The following AGMO variants were observed in gnomAD, a reference collection of about 807,000 sequenced individuals.
The protein encoded by AGMO is glyceryl-ether monooxygenase.
In AGMO, 75 loss-of-function variants were observed where a neutral mutation model predicts 60.2. The observed-to-expected ratio is 1.25, with a 90% CI of 1.03 to 1.51. The LOEUF (loss-of-function observed/expected upper bound fraction) is 1.51, where lower values mean the gene tolerates loss of function less well. Among genes scored for constraint, AGMO ranks in the 40% most tolerant of loss-of-function variants. AGMO has a pLI of 0.00. For synonymous variants in AGMO, 261 were observed against 177.1 expected, an observed-to-expected ratio of 1.47 and a Z score of -3.76; for missense variants, 763 against 525.5, an observed-to-expected ratio of 1.45 and a Z score of -4.42.
At chr7:15,184,460 TAAG>T in the AGMO span, among the ~76,000 whole-genome samples, 11 of 30,350 alleles carry the variant, frequency 3.6e-4, no homozygotes, top group South Asian at 0.013. Flanking sequence ...GGAAGGGAGG[TAAG>T]AAGGAAGGAA....
intron 3 of AGMO, among the ~76,000 whole-genome samples, chr7:15,490,800 T>C (rs1783048683): frequency 6.6e-6 from 1 of 151,996 alleles, no homozygotes; most frequent in Admixed American, 6.5e-5. Flanking sequence ...GAGGAGCAAA[T>C]AGAATACCTG....
chr7:15,133,319 T>C, the AGMO span, among the ~76,000 whole-genome samples: 1 of 152,096 alleles, frequency 6.6e-6, no homozygotes, highest in Admixed American at 6.5e-5. Context: ...GCTACTCAGG[T>C]AAAGACAAAA....
intron 12 of AGMO, among the ~76,000 whole-genome samples, chr7:15,267,161 T>C (rs906580705): frequency 6.6e-6 from 1 of 151,974 alleles, no homozygotes; most frequent in African/African-American, 2.4e-5. Flanking sequence ...TTAAAAACAT[T>C]TGCAAAAAAT....
chr7:15,370,479 C>A (rs1440388824), intron 10 of AGMO, among the ~76,000 whole-genome samples: 1 of 152,320 alleles, frequency 6.6e-6, no homozygotes, highest in East Asian at 1.9e-4. Context: ...CTGCTTTCCA[C>A]AGTGGCTGAA....
the AGMO span, among the ~76,000 whole-genome samples, chr7:15,126,049 T>A: frequency 1.3e-5 from 2 of 152,100 alleles, no homozygotes; most frequent in Admixed American, 1.3e-4. Flanking sequence ...TTTGGTGAAG[T>A]ACCACAGTCT....
At chr7:15,547,738 G>A (rs1263084955) in intron 2 of AGMO, among the ~76,000 whole-genome samples, 1 of 152,020 alleles carries the variant, frequency 6.6e-6, no homozygotes, top group Non-Finnish European at 1.5e-5. Flanking sequence ...GAGGCTGGGG[G>A]AGGGGCGCCC....
intron 3 of AGMO, among the ~76,000 whole-genome samples, chr7:15,541,496 A>G (rs1402897070): frequency 6.6e-6 from 1 of 152,160 alleles, no homozygotes; most frequent in Admixed American, 6.5e-5. Flanking sequence ...ATCCTTCTAT[A>G]TATTTTTCTA....
chr7:15,198,507 C>G (rs929935938), downstream of AGMO, among the ~76,000 whole-genome samples: 2 of 152,150 alleles, frequency 1.3e-5, no homozygotes, highest in Admixed American at 1.3e-4. Context: ...GCTGCCAGGA[C>G]AGAGCCGATT....
In AGMO at chr7:15,385,523, G is replaced by C. The variant is rs770943190; in HGVS notation, c.997C>G (p.Gln333Glu). ...ACAACTGTATATATCTTTAATAGCTGAGATGAAGATGATGAGAAGGGAACT... is the reference window on the plus strand; with the variant it reads ...ACAACTGTATATATCTTTAATAGCTCAGATGAAGATGATGAGAAGGGAACT... ...KEVPFSSSSSQLLKIYTVVQF... is the reference protein window; with the variant it reads ...KEVPFSSSSSELLKIYTVVQF... Residue 333 changes from glutamine (Q) to glutamate (E), a missense_variant, in exon 10 of 13, where the codon CAG (glutamine) becomes GAG (glutamate). By Grantham distance (29) the Gln-to-Glu change is conservative. Transcript: ENST00000342526. 3.7e-6 allele frequency: 6 copies of C among 1,613,174 alleles called. No homozygotes were observed. The highest frequency in any genetic ancestry group is 5.1e-6 in the Non-Finnish European group (6 of 1,179,424).
chr7:15,193,927 T>C, the AGMO span, among the ~76,000 whole-genome samples: 1 of 152,136 alleles, frequency 6.6e-6, no homozygotes, highest in East Asian at 1.9e-4. Context: ...CAACTTTGTA[T>C]ACATAAAATA....
the AGMO span, among the ~76,000 whole-genome samples, chr7:15,174,483 A>G: frequency 2.6e-5 from 4 of 152,140 alleles, no homozygotes; most frequent in African/African-American, 9.6e-5. Context: ...CATTGGTAAA[A>G]GCTCAAAGAA....
chr7:15,431,089 G>A lies in AGMO; in HGVS notation c.429C>T (p.Ala143=), dbSNP rs116358801. 1.0e-3 allele frequency: 1,677 copies of A among 1,610,648 alleles called. 14 individuals are homozygous for A. The African/African-American group carries it at 0.017, about 17-fold the overall frequency. ...CAGAACTATGATGTGTTTGGTGTCCGGCCCACATAATATTAACTTCTGCAA... is the reference window on the plus strand; with the variant it reads ...CAGAACTATGATGTGTTTGGTGTCCAGCCCACATAATATTAACTTCTGCAA... The part of the protein sequence containing the change: ...RMAHEVNIMW[A]GHQTHHSSED... Residue 143 remains alanine (A), a synonymous_variant, in exon 4 of 13, where the codon GCC becomes GCT. Coordinates refer to ENST00000342526, the MANE Select transcript of AGMO (RefSeq NM_001004320.2).
chr7:15,399,900 G>A (rs1310467935), intron 5 of AGMO, among the ~76,000 whole-genome samples: 1 of 152,074 alleles, frequency 6.6e-6, no homozygotes, highest in Non-Finnish European at 1.5e-5. Flanking sequence ...TTTCTTCTCC[G>A]TCTAAGACCT....
chr7:15,309,296 G>T (rs983691152), intron 12 of AGMO, among the ~76,000 whole-genome samples: 1 of 152,046 alleles, frequency 6.6e-6, no homozygotes, highest in Admixed American at 6.6e-5. Flanking sequence ...TTCCATAGGA[G>T]TACATCTCCA....
chr7:15,345,081 TCCA>T (rs909878357), intron 12 of AGMO, among the ~76,000 whole-genome samples: 6 of 152,174 alleles, frequency 3.9e-5, no homozygotes, highest in African/African-American at 9.7e-5. Context: ...TATACCTACC[TCCA>T]CCAATTTCTT....
At position 15,365,577 on chromosome 7, in the gene AGMO, G is replaced by C. The variant is rs1158799216; in HGVS notation, c.1200C>G (p.Phe400Leu). Residue 400 changes from phenylalanine (F) to leucine (L), a missense_variant, in exon 12 of 13, where the codon TTC (phenylalanine) becomes TTG (leucine). Coordinates refer to ENST00000342526, the MANE Select transcript of AGMO (RefSeq NM_001004320.2). ...AIMETLRCLM[F>L]LMLYRFGHLK... Reference sequence around the variant, plus strand: ...GGTGACCAAATCGGTACAGCATTAAGAACATCAAGCAACGGAGAGTTTCCA... The same window carrying C: ...GGTGACCAAATCGGTACAGCATTAACAACATCAAGCAACGGAGAGTTTCCA... The C allele has an allele frequency of 3.7e-6, 6 of 1,612,680 alleles. No homozygotes were observed. The highest frequency in any genetic ancestry group is 1.7e-6 in the Non-Finnish European group (2 of 1,179,116).
chr7:15,513,677 G>A (rs532871204), intron 3 of AGMO, among the ~76,000 whole-genome samples: 42 of 152,242 alleles, frequency 2.8e-4, no homozygotes, highest in Admixed American at 1.4e-3. Flanking sequence ...TTGTTTTCAA[G>A]ATTGGGCTTG....
At chr7:15,354,958 T>C (rs1054833834) in intron 12 of AGMO, among the ~76,000 whole-genome samples, 3 of 152,058 alleles carry the variant, frequency 2.0e-5, no homozygotes, top group African/African-American at 7.2e-5. Flanking sequence ...TATGCTAGGA[T>C]GAAGTGGCTT....
intron 12 of AGMO, among the ~76,000 whole-genome samples, chr7:15,331,686 G>A (rs1313229497): frequency 3.9e-5 from 6 of 152,092 alleles, no homozygotes; most frequent in Non-Finnish European, 8.8e-5. Context: ...CAACACTTTG[G>A]GAGACTGAGG....
Sources: allele counts gnomAD v4.1 joint callset (sites outside exome capture counted in the v4.1 genomes callset), GRCh38; gene constraint gnomAD v4.1.1; transcripts MANE v1.5; gene names NCBI Gene and HGNC (gene_info 2026-07-23, HGNC 2026-07-21).